LRMDA: variants seen among roughly 807,000 people sequenced by gnomAD.
LRMDA encodes leucine rich melanocyte differentiation associated.
Under a neutral mutation model 29.8 loss-of-function variants are expected in LRMDA, and 18 were observed. That is an observed-to-expected ratio of 0.60 (90% confidence interval 0.42 to 0.90). The LOEUF (loss-of-function observed/expected upper bound fraction) is 0.90, where lower values mean the gene tolerates loss of function less well. LRMDA is among the 40% of genes least tolerant of loss of function. The probability of loss-of-function intolerance (pLI) is 0.00; values close to 1 mark genes in which losing one functional copy is unlikely to be tolerated. For synonymous variants in LRMDA, 125 were observed against 109.4 expected (o/e 1.14, Z -0.89); for missense variants, 273 against 273.9 (o/e 1.00, Z 0.02).
rs1183989010 is a variant in LRMDA, at chr10:75,578,215, C to CAAAAAAAAAAAAAA, written c.131+139732_131+139745dup. Among the ~76,000 whole-genome samples, 55 of 14,230 alleles carry CAAAAAAAAAAAAAA rather than the reference C, an allele frequency of 3.9e-3. 10 individuals carry two copies. Among genetic ancestry groups the CAAAAAAAAAAAAAA allele is most frequent in the Non-Finnish European group, 4.2e-3 (25 of 5,888 alleles). 9.3% of individuals were successfully genotyped at this position (14,230 alleles called of 152,430 possible). A position where few individuals can be genotyped will look rare whatever the true frequency, so the allele number is the denominator to read the frequency against. ...GTATATTTACCAAGCAAATGGAAAG[C>CAAAAAAAAAAAAAA]AAAAAAAAAAAAAAAAAAAAAAAAG... On this transcript the variant is annotated intron_variant, in intron 2 of 6. Coordinates refer to ENST00000611255, the MANE Select transcript of LRMDA (RefSeq NM_001305581.2).
At chr10:75,706,994 G>C (rs1318716928) in intron 2 of LRMDA, among the ~76,000 whole-genome samples, 1 of 152,132 alleles carries the variant, frequency 6.6e-6, no homozygotes, top group African/African-American at 2.4e-5. Flanking sequence ...AGTGATTGTT[G>C]TTCCCTTCTG....
At chr10:76,016,857 G>A (rs911412274) in intron 2 of LRMDA, among the ~76,000 whole-genome samples, 1 of 152,188 alleles carries the variant, frequency 6.6e-6, no homozygotes, top group African/African-American at 2.4e-5. Flanking sequence ...CGTAATACCT[G>A]GCTCACACAG....
intron 2 of LRMDA, among the ~76,000 whole-genome samples, chr10:75,737,382 G>A (rs1170710832): frequency 2.0e-5 from 3 of 152,168 alleles, no homozygotes; most frequent in Admixed American, 6.5e-5. Context: ...CCCCATCACC[G>A]TGGCAGGAAC....
chr10:75,691,537 A>G (rs1196155172), intron 2 of LRMDA, among the ~76,000 whole-genome samples: 1 of 152,160 alleles, frequency 6.6e-6, no homozygotes, highest in Non-Finnish European at 1.5e-5. Context: ...CACAAAAGGC[A>G]TGTGGTTCTC....
chr10:76,256,338 T>A (rs1311235899), intron 5 of LRMDA, among the ~76,000 whole-genome samples: 1 of 152,208 alleles, frequency 6.6e-6, no homozygotes, highest in African/African-American at 2.4e-5. Flanking sequence ...ATATTGAAAT[T>A]ATCTTGCTGG....
chr10:76,204,963 C>G (rs1356544705), intron 5 of LRMDA, among the ~76,000 whole-genome samples: 1 of 152,152 alleles, frequency 6.6e-6, no homozygotes, highest in Non-Finnish European at 1.5e-5. Context: ...GTGACATACT[C>G]ATGACATCAC....
intron 6 of LRMDA, among the ~76,000 whole-genome samples, chr10:76,408,982 A>G (rs930210250): frequency 2.0e-5 from 3 of 152,202 alleles, no homozygotes; most frequent in African/African-American, 7.2e-5. Context: ...TTTAGGAATG[A>G]ATGAATGATG....
Position 75,670,006 on chromosome 10 carries a change from A to G in LRMDA, c.131+231512A>G, listed in dbSNP as rs184529847. Among the ~76,000 whole-genome samples the G allele has an allele frequency of 5.6e-4, 86 of 152,328 alleles. 1 individual carries two copies. The East Asian group carries it at 0.014, about 24-fold the overall frequency. On this transcript the variant is annotated intron_variant, in intron 2 of 6. Coordinates refer to ENST00000611255, the MANE Select transcript of LRMDA (RefSeq NM_001305581.2). ...AAAATTACATTCATTATTTTTAAAA[A>G]TATAGCAACTCTTTATTATAGTTTC...
chr10:76,240,725 C>T (rs772054627), intron 5 of LRMDA, among the ~76,000 whole-genome samples: 99 of 150,270 alleles, frequency 6.6e-4, no homozygotes, highest in Non-Finnish European at 1.2e-3. Context: ...GGAACCAGCC[C>T]AAATGCCCAT....
In LRMDA at chr10:75,854,772, G is replaced by A. The variant is rs1224897561; in HGVS notation, c.132-181236G>A. ...TGTGATGTTCCCTTTCCTGTGTCCT[G>A]TGTTCTCATTGTTCAATTCCCACCT... On this transcript the variant is annotated intron_variant, in intron 2 of 6. Coordinates refer to ENST00000611255, the MANE Select transcript of LRMDA (RefSeq NM_001305581.2). 3.4e-5 allele frequency among the ~76,000 whole-genome samples: 5 copies of A among 148,606 alleles called. No homozygotes were observed. The East Asian group carries it at 1.0e-3, about 30-fold the overall frequency.
chr10:76,254,388 G>C (rs1351340105), intron 5 of LRMDA, among the ~76,000 whole-genome samples: 2 of 150,972 alleles, frequency 1.3e-5, no homozygotes, highest in African/African-American at 4.9e-5. Context: ...GCTATGCTAT[G>C]CTATGCTATG....
chr10:76,220,333 GT>G (rs560207442), intron 5 of LRMDA, among the ~76,000 whole-genome samples: 1 of 151,816 alleles, frequency 6.6e-6, no homozygotes, highest in African/African-American at 2.4e-5. Context: ...CCAGGAGCTG[GT>G]TTTTTTTGAA....
intron 6 of LRMDA, among the ~76,000 whole-genome samples, chr10:76,459,710 T>C (rs1842492990): frequency 1.3e-5 from 2 of 152,202 alleles, no homozygotes; most frequent in African/African-American, 4.8e-5. Flanking sequence ...AGGTGCTTCA[T>C]GTTTTCACCC....
chr10:76,137,772 CAAA>C (rs36038656), intron 5 of LRMDA, among the ~76,000 whole-genome samples: 1 of 122,164 alleles, frequency 8.2e-6, no homozygotes. Flanking sequence ...GTCCCTATGG[CAAA>C]AAAAAAAAAA....
intron 5 of LRMDA, among the ~76,000 whole-genome samples, chr10:76,212,633 A>G (rs1010263678): frequency 2.0e-5 from 3 of 152,236 alleles, no homozygotes; most frequent in Non-Finnish European, 4.4e-5. Context: ...TGTTTTTATC[A>G]GCCTTTGTAT....
At chr10:76,061,661 C>T (rs1278876671) in intron 5 of LRMDA, among the ~76,000 whole-genome samples, 1 of 152,104 alleles carries the variant, frequency 6.6e-6, no homozygotes, top group Non-Finnish European at 1.5e-5. Flanking sequence ...GTCTGTGCTC[C>T]CGTTTCATGG....
At chr10:76,206,707 CA>C (rs1250282571) in intron 5 of LRMDA, among the ~76,000 whole-genome samples, 1 of 152,184 alleles carries the variant, frequency 6.6e-6, no homozygotes, top group Non-Finnish European at 1.5e-5. Flanking sequence ...ACTGGGTCAG[CA>C]CTGAGCAAAA....
intron 2 of LRMDA, among the ~76,000 whole-genome samples, chr10:75,997,467 AT>A (rs11314151): frequency 0.16 from 22,386 of 141,680 alleles, 1,807 homozygotes; most frequent in South Asian, 0.26. Context: ...ACATACATCT[AT>A]TTTTTTTTTT....
At chr10:75,535,874 C>T (rs1278529059) in intron 2 of LRMDA, among the ~76,000 whole-genome samples, 1 of 152,086 alleles carries the variant, frequency 6.6e-6, no homozygotes, top group Non-Finnish European at 1.5e-5. Context: ...GAAAGTGGAC[C>T]AGGCCAGGAG....
Sources: gnomAD v4.1 joint callset for allele counts (sites outside exome capture counted in the v4.1 genomes callset) on GRCh38, gnomAD v4.1.1 for gene constraint, MANE v1.5 for transcripts, NCBI Gene and HGNC (gene_info 2026-07-23, HGNC 2026-07-21) for gene names.